The following GABRB1 variants were observed in gnomAD, a reference collection of about 807,000 sequenced individuals.
GABRB1 encodes gamma-aminobutyric acid type A receptor subunit beta1.
In GABRB1, 17 loss-of-function variants were observed where a neutral mutation model predicts 51.6. That is an observed-to-expected ratio of 0.33 (90% CI 0.23 to 0.49). GABRB1 has a LOEUF of 0.49. Ranked by LOEUF, GABRB1 falls within the 20% of genes least tolerant of loss-of-function variation. GABRB1 has a pLI of 0.99. For synonymous variants in GABRB1, 247 were observed against 218.9 expected, an observed-to-expected ratio of 1.13 and a Z score of -1.14; for missense variants, 410 against 600.6, an observed-to-expected ratio of 0.68 and a Z score of 3.32.
chr4:47,306,892 G>C (rs996526826), intron 4 of GABRB1, among the ~76,000 whole-genome samples: 1 of 152,036 alleles, frequency 6.6e-6, no homozygotes, highest in African/African-American at 2.4e-5. Flanking sequence ...GACCATTTTG[G>C]TGTTTACTCA....
At chr4:47,286,351 T>G (rs1221791546) in intron 4 of GABRB1, among the ~76,000 whole-genome samples, 2 of 152,230 alleles carry the variant, frequency 1.3e-5, no homozygotes, top group Admixed American at 6.5e-5. Flanking sequence ...ATTTTTATTT[T>G]AATATTTTAT....
chr4:47,312,730 G>A (rs2109954650), intron 4 of GABRB1, among the ~76,000 whole-genome samples: 1 of 152,224 alleles, frequency 6.6e-6, no homozygotes, highest in African/African-American at 2.4e-5. Context: ...TAAAACTTGG[G>A]AGTTCTTCCT....
chr4:47,090,469 A>G (rs951313151), intron 3 of GABRB1, among the ~76,000 whole-genome samples: 1 of 152,220 alleles, frequency 6.6e-6, no homozygotes, highest in Non-Finnish European at 1.5e-5. Flanking sequence ...CACTGCAATG[A>G]GATCTCCTCA....
chr4:47,218,669 T>A (rs988117683), intron 4 of GABRB1, among the ~76,000 whole-genome samples: 9 of 151,848 alleles, frequency 5.9e-5, no homozygotes, highest in Non-Finnish European at 1.3e-4. Flanking sequence ...TCACTTGTTT[T>A]CATGTCTGCT....
chr4:47,104,393 A>G (rs1406967323), intron 3 of GABRB1, among the ~76,000 whole-genome samples: 2 of 151,626 alleles, frequency 1.3e-5, no homozygotes, highest in African/African-American at 4.8e-5. Context: ...TGTATTTATT[A>G]CTTATTTCTT....
chr4:46,999,133 G>A (rs868213291), intron 1 of GABRB1, among the ~76,000 whole-genome samples: 25 of 152,186 alleles, frequency 1.6e-4, no homozygotes, highest in South Asian at 4.2e-4. Context: ...ATGCATTACC[G>A]ATAGTGCCCC....
intron 1 of GABRB1, among the ~76,000 whole-genome samples, chr4:46,997,751 T>C (rs541577878): frequency 3.9e-5 from 6 of 152,166 alleles, no homozygotes; most frequent in Non-Finnish European, 8.8e-5. Flanking sequence ...CGTATATATA[T>C]ACACACACAT....
chr4:47,019,804 C>T (rs897061599), intron 1 of GABRB1, among the ~76,000 whole-genome samples: 1 of 150,392 alleles, frequency 6.6e-6, no homozygotes, highest in African/African-American at 2.5e-5. Context: ...CTCCCAGGCT[C>T]AAGCAATCCT....
At chr4:47,268,760 C>A (rs1194047399) in intron 4 of GABRB1, among the ~76,000 whole-genome samples, 1 of 152,140 alleles carries the variant, frequency 6.6e-6, no homozygotes, top group East Asian at 1.9e-4. Context: ...ATGCTTATTA[C>A]TATCAGCTAG....
intron 3 of GABRB1, among the ~76,000 whole-genome samples, chr4:47,048,586 G>C (rs1031346161): frequency 1.3e-5 from 2 of 152,086 alleles, no homozygotes; most frequent in African/African-American, 4.8e-5. Flanking sequence ...AACCCATAAG[G>C]CTAAGAATAG....
At chr4:47,238,701 T>A (rs1369383037) in intron 4 of GABRB1, among the ~76,000 whole-genome samples, 1 of 152,138 alleles carries the variant, frequency 6.6e-6, no homozygotes, top group Non-Finnish European at 1.5e-5. Context: ...ATATCCTAAG[T>A]GTCGAAAAGT....
chr4:47,086,771 T>G (rs1728097374), intron 3 of GABRB1, among the ~76,000 whole-genome samples: 1 of 152,190 alleles, frequency 6.6e-6, no homozygotes, highest in Non-Finnish European at 1.5e-5. Context: ...CTCACTTGAT[T>G]TCTCACATAG....
In GABRB1 at chr4:47,000,471, T is replaced by C. The variant is rs544501357; in HGVS notation, c.-20+6545T>C. Among the ~76,000 whole-genome samples the C allele has an allele frequency of 2.0e-5, 3 of 152,358 alleles. No homozygotes were observed. The South Asian group carries it at 6.2e-4, about 32-fold the overall frequency. ...CATCTTCTTTTGTGGAGCAAAGCACTATAAAACTTTCTAGCTTAAAACAAT... is the reference window on the plus strand; with the variant it reads ...CATCTTCTTTTGTGGAGCAAAGCACCATAAAACTTTCTAGCTTAAAACAAT... On this transcript the variant is annotated intron_variant, in intron 1 of 3. Transcript: ENST00000513567.
intron 4 of GABRB1, among the ~76,000 whole-genome samples, chr4:47,254,534 T>TTG (rs564593436): frequency 1.3e-4 from 19 of 150,984 alleles, no homozygotes; most frequent in Admixed American, 4.0e-4. Context: ...CCCGGCTGAT[T>TTG]TGTGTGTGTG....
intron 3 of GABRB1, among the ~76,000 whole-genome samples, chr4:47,153,469 T>C (rs1717552416): frequency 6.6e-6 from 1 of 152,044 alleles, no homozygotes; most frequent in African/African-American, 2.4e-5. Flanking sequence ...GGATTCATCA[T>C]CAAAAAAGAT....
intron 3 of GABRB1, among the ~76,000 whole-genome samples, chr4:47,143,119 A>T (rs56033606): frequency 0.012 from 1,830 of 151,996 alleles, 33 homozygotes; most frequent in South Asian, 0.043. Context: ...TACTTTTAGC[A>T]GCAGTATTCT....
At chr4:47,408,432 G>T (rs1694923622) in intron 8 of GABRB1, among the ~76,000 whole-genome samples, 1 of 152,192 alleles carries the variant, frequency 6.6e-6, no homozygotes, top group Admixed American at 6.5e-5. Context: ...ATGCTCTTTA[G>T]TAGGACGAAA....
chr4:47,374,368 A>G (rs930596847), intron 5 of GABRB1, among the ~76,000 whole-genome samples: 4 of 152,216 alleles, frequency 2.6e-5, no homozygotes, highest in Admixed American at 2.0e-4. Context: ...CAGCCTGGGC[A>G]ACAGAGAGAG....
In GABRB1 at chr4:47,071,705, A is replaced by G. The variant is rs142236624; in HGVS notation, c.240+39221A>G. On this transcript the variant is annotated intron_variant, in intron 3 of 8. Coordinates refer to ENST00000295454, the MANE Select transcript of GABRB1 (RefSeq NM_000812.4). ...AAATACTAGCTTGCATAAGGCTGGG[A>G]CATTTATCTATTTGGTTCTCTAATT... Among the ~76,000 whole-genome samples, 420 of 146,012 alleles carry G rather than the reference A, an allele frequency of 2.9e-3. No individual in the cohort carries two copies. In the Middle Eastern group the frequency reaches 0.029, roughly 10 times the overall value.
Sources: allele counts gnomAD v4.1 joint callset (sites outside exome capture counted in the v4.1 genomes callset), GRCh38; gene constraint gnomAD v4.1.1; transcripts MANE v1.5; gene names NCBI Gene and HGNC (gene_info 2026-07-23, HGNC 2026-07-21).